Variants in CSMD1 observed in about 807,000 individuals in gnomAD.
The protein encoded by CSMD1 is CUB and Sushi multiple domains 1, also known as CUB and sushi domain-containing protein 1.
CSMD1 carries 213 observed loss-of-function variants against 417.5 expected under a neutral mutation model. The observed-to-expected ratio is 0.51, with a 90% CI of 0.46 to 0.57. CSMD1 has a LOEUF of 0.57. Ranked by LOEUF, CSMD1 falls within the 20% of genes least tolerant of loss-of-function variation. CSMD1 has a pLI of 0.00. For missense variants in CSMD1, 6,923 were observed against 4,529.7 expected, an observed-to-expected ratio of 1.53 and a Z score of -15.17; for synonymous variants, 2,862 against 1,736.8, an observed-to-expected ratio of 1.65 and a Z score of -16.11.
chr8:4,940,100 G>C (rs56039742), intron 1 of CSMD1, among the ~76,000 whole-genome samples: 2 of 151,956 alleles, frequency 1.3e-5, no homozygotes, highest in African/African-American at 2.4e-5. Context: ...TGAACTACCG[G>C]GGGCTGCTGA....
At chr8:3,316,823 C>A (rs191639149) in intron 23 of CSMD1, among the ~76,000 whole-genome samples, 1 of 151,986 alleles carries the variant, frequency 6.6e-6, no homozygotes, top group Non-Finnish European at 1.5e-5. Flanking sequence ...GAAGACTGCA[C>A]AGGAAACTGA....
intron 2 of CSMD1, among the ~76,000 whole-genome samples, chr8:4,456,509 T>G (rs1033572766): frequency 2.0e-5 from 3 of 152,152 alleles, no homozygotes; most frequent in Non-Finnish European, 4.4e-5. Flanking sequence ...AGGTTCTAAG[T>G]AAATGTTTAT....
chr8:4,201,160 T>A (rs1042762226), intron 3 of CSMD1, among the ~76,000 whole-genome samples: 1 of 152,162 alleles, frequency 6.6e-6, no homozygotes, highest in Non-Finnish European at 1.5e-5. Context: ...AAATGACTAC[T>A]GTAAGGATTA....
intron 3 of CSMD1, among the ~76,000 whole-genome samples, chr8:4,251,427 GA>G (rs1426560143): frequency 1.3e-5 from 2 of 152,144 alleles, no homozygotes; most frequent in Non-Finnish European, 1.5e-5. Context: ...AATAACATGA[GA>G]CAAGACCCAA....
intron 1 of CSMD1, among the ~76,000 whole-genome samples, chr8:4,781,153 G>C (rs1047694061): frequency 5.3e-5 from 8 of 152,092 alleles, no homozygotes; most frequent in Admixed American, 3.9e-4. Context: ...CCCACATAGT[G>C]GCTGTGCTTT....
At chr8:4,891,664 C>T (rs115548701) in intron 1 of CSMD1, among the ~76,000 whole-genome samples, 1,534 of 152,126 alleles carry the variant, frequency 0.01, 37 homozygotes, top group African/African-American at 0.034. Flanking sequence ...ATTGGAAACA[C>T]TATGTATTTA....
intron 3 of CSMD1, among the ~76,000 whole-genome samples, chr8:4,051,547 G>A (rs1476154324): frequency 2.0e-5 from 3 of 152,140 alleles, no homozygotes; most frequent in African/African-American, 7.2e-5. Flanking sequence ...GCAGAGAAAA[G>A]CAACTCCAAC....
intron 5 of CSMD1, among the ~76,000 whole-genome samples, chr8:3,883,872 C>T (rs2954635): frequency 2.2e-4 from 33 of 151,758 alleles, no homozygotes; most frequent in Non-Finnish European, 4.3e-4. Flanking sequence ...GAAAACAATA[C>T]GGTTTTTCAT....
intron 12 of CSMD1, among the ~76,000 whole-genome samples, chr8:3,411,008 C>T (rs1340398651): frequency 2.0e-5 from 3 of 152,066 alleles, no homozygotes; most frequent in Non-Finnish European, 4.4e-5. Flanking sequence ...CCCAGTGTGC[C>T]GGGCAGGGCA....
At position 3,474,298 on chromosome 8, in the gene CSMD1, G is replaced by A. The variant is rs193272809; in HGVS notation, c.1449-5474C>T. 6.6e-5 allele frequency among the ~76,000 whole-genome samples: 10 copies of A among 152,146 alleles called. No homozygotes were observed. The East Asian group carries it at 7.8e-4, about 12-fold the overall frequency. ...TCAAGTATATGATAATCATACAAAT[G>A]CAGGACAATAAACAATGCAATAGCA... is the stretch of plus-strand genomic sequence containing the variant. On this transcript the variant is annotated intron_variant, in intron 11 of 69. Coordinates refer to ENST00000635120, the MANE Select transcript of CSMD1 (RefSeq NM_033225.6).
intron 1 of CSMD1, among the ~76,000 whole-genome samples, chr8:4,646,898 G>T (rs972770426): frequency 1.3e-5 from 2 of 152,114 alleles, no homozygotes; most frequent in Non-Finnish European, 2.9e-5. Context: ...ATTATGAGCA[G>T]ATTTTTTTAA....
intron 3 of CSMD1, among the ~76,000 whole-genome samples, chr8:4,034,189 T>A (rs145270885): frequency 2.6e-5 from 4 of 152,314 alleles, no homozygotes; most frequent in African/African-American, 9.6e-5. Context: ...ATAGGAATCA[T>A]CTATTTCTAA....
At chr8:4,066,381 G>C (rs562281190) in intron 3 of CSMD1, among the ~76,000 whole-genome samples, 16 of 152,250 alleles carry the variant, frequency 1.1e-4, no homozygotes, top group African/African-American at 3.9e-4. Context: ...ACTCAGCGCA[G>C]GGATGTTTGG....
chr8:4,623,291 C>T (rs1585346739), intron 2 of CSMD1, among the ~76,000 whole-genome samples: 1 of 152,232 alleles, frequency 6.6e-6, no homozygotes, highest in East Asian at 1.9e-4. Context: ...CGTAAAATAA[C>T]ACTCTACACT....
intron 6 of CSMD1, among the ~76,000 whole-genome samples, chr8:3,735,323 A>AAC (rs1019567847): frequency 6.3e-5 from 2 of 31,784 alleles, no homozygotes; most frequent in African/African-American, 1.2e-4. Context: ...AAAACACACA[A>AAC]ACACACACAC....
At chr8:4,694,719 G>A (rs1385648559) in intron 1 of CSMD1, among the ~76,000 whole-genome samples, 1 of 152,036 alleles carries the variant, frequency 6.6e-6, no homozygotes, top group African/African-American at 2.4e-5. Context: ...AATGTGTAAC[G>A]TCAAGCTGTG....
At chr8:4,196,426 A>G (rs934616419) in intron 3 of CSMD1, among the ~76,000 whole-genome samples, 1 of 152,142 alleles carries the variant, frequency 6.6e-6, no homozygotes, top group South Asian at 2.1e-4. Context: ...TTTTCAGGCT[A>G]CAGTCCTTTC....
chr8:4,313,956 G>C (rs1000519728), intron 3 of CSMD1, among the ~76,000 whole-genome samples: 1 of 151,906 alleles, frequency 6.6e-6, no homozygotes, highest in South Asian at 2.1e-4. Context: ...AGAGGTTGCA[G>C]CGAGCCGAGA....
intron 2 of CSMD1, among the ~76,000 whole-genome samples, chr8:4,503,218 T>G (rs749324231): frequency 6.6e-6 from 1 of 152,264 alleles, no homozygotes; most frequent in South Asian, 2.1e-4. Flanking sequence ...ACTGTAAAAG[T>G]CTACAGCGTC....
Sources: gnomAD v4.1 joint callset for allele counts (sites outside exome capture counted in the v4.1 genomes callset) on GRCh38, gnomAD v4.1.1 for gene constraint, MANE v1.5 for transcripts, NCBI Gene and HGNC (gene_info 2026-07-23, HGNC 2026-07-21) for gene names.